EPHA6: variants seen among roughly 807,000 people sequenced by gnomAD.
EPHA6 encodes the protein EPH receptor A6, also known as ephrin type-A receptor 6.
In EPHA6, 50 loss-of-function variants were observed where a neutral mutation model predicts 112.0. That is an observed-to-expected ratio of 0.45 (90% CI 0.36 to 0.56). EPHA6 has a LOEUF of 0.56. Ranked by LOEUF, EPHA6 falls within the 20% of genes least tolerant of loss-of-function variation. The pLI, the probability that EPHA6 is intolerant of heterozygous loss-of-function variation, is 0.00. For missense variants in EPHA6, 1,280 were observed against 1,417.4 expected (o/e 0.90, Z 1.56); for synonymous variants, 529 against 490.7 (o/e 1.08, Z -1.03).
At chr3:96,983,141 C>G (rs1354486093) in intron 2 of EPHA6, among the ~76,000 whole-genome samples, 1 of 152,120 alleles carries the variant, frequency 6.6e-6, no homozygotes, top group African/African-American at 2.4e-5. Flanking sequence ...CAGTTTCTTC[C>G]TAGCCTCGAT....
intron 13 of EPHA6, among the ~76,000 whole-genome samples, chr3:97,621,449 A>G (rs113449110): frequency 3.9e-4 from 59 of 152,114 alleles, no homozygotes; most frequent in African/African-American, 1.4e-3. Flanking sequence ...TTTTTAAAAA[A>G]GGAAATGTCC....
chr3:97,438,662 T>G (rs1014189775), intron 6 of EPHA6, among the ~76,000 whole-genome samples: 1 of 152,310 alleles, frequency 6.6e-6, no homozygotes, highest in South Asian at 2.1e-4. Flanking sequence ...CAACATTTTT[T>G]AAGACTTGTC....
At chr3:96,913,289 G>A (rs1031972890) in intron 2 of EPHA6, among the ~76,000 whole-genome samples, 8 of 151,514 alleles carry the variant, frequency 5.3e-5, no homozygotes, top group Admixed American at 4.6e-4. Context: ...AGGATTGCTC[G>A]AGCTTGGAAG....
intron 3 of EPHA6, among the ~76,000 whole-genome samples, chr3:97,194,643 T>A (rs1243706320): frequency 1.3e-5 from 2 of 152,056 alleles, no homozygotes; most frequent in Non-Finnish European, 2.9e-5. Flanking sequence ...CTGGAAGATC[T>A]GTCCAATGCT....
intron 1 of EPHA6, among the ~76,000 whole-genome samples, chr3:96,862,186 CTGAT>C (rs1252361218): frequency 6.6e-6 from 1 of 151,840 alleles, no homozygotes; most frequent in African/African-American, 2.4e-5. Flanking sequence ...GAAGTATTCT[CTGAT>C]TGTATCTGGT....
chr3:97,300,834 A>T (rs574788359), intron 5 of EPHA6, among the ~76,000 whole-genome samples: 61 of 143,346 alleles, frequency 4.3e-4, no homozygotes, highest in Admixed American at 1.2e-3. Flanking sequence ...AAGGAAATTT[A>T]AAAAAAAAAA....
chr3:97,673,212 T>C (rs756501778), intron 14 of EPHA6, among the ~76,000 whole-genome samples: 1 of 152,170 alleles, frequency 6.6e-6, no homozygotes, highest in African/African-American at 2.4e-5. Context: ...CTTGCAAAAA[T>C]TCAATTCTGA....
chr3:97,575,818 G>C (rs1450647536), intron 11 of EPHA6, among the ~76,000 whole-genome samples: 1 of 152,154 alleles, frequency 6.6e-6, no homozygotes, highest in Admixed American at 6.5e-5. Context: ...TCAATAAAAA[G>C]TGATGGCAAT....
At chr3:97,405,450 G>C (rs552865680) in intron 6 of EPHA6, among the ~76,000 whole-genome samples, 176 bp downstream of exon 6, 1 of 152,062 alleles carries the variant, frequency 6.6e-6, no homozygotes, top group African/African-American at 2.4e-5. Context: ...GTAAGTTATT[G>C]ATTAATTTAT....
At chr3:97,699,094 A>C (rs995588486) in intron 14 of EPHA6, among the ~76,000 whole-genome samples, 1 of 152,184 alleles carries the variant, frequency 6.6e-6, no homozygotes, top group Admixed American at 6.5e-5. Flanking sequence ...ACTGTAAAAG[A>C]GAATATCCAG....
intron 5 of EPHA6, among the ~76,000 whole-genome samples, chr3:97,363,828 C>T (rs2084549118): frequency 6.6e-6 from 1 of 152,002 alleles, no homozygotes; most frequent in Non-Finnish European, 1.5e-5. Flanking sequence ...ATCCTTAAAA[C>T]AGAAGGAAAT....
intron 14 of EPHA6, among the ~76,000 whole-genome samples, chr3:97,638,317 G>A (rs2093968778): frequency 6.6e-6 from 1 of 151,874 alleles, no homozygotes; most frequent in Admixed American, 6.6e-5. Context: ...CATTGTCCTG[G>A]GACTTTAACA....
chr3:97,096,165 C>T (rs1423744999), intron 3 of EPHA6, among the ~76,000 whole-genome samples: 3 of 151,576 alleles, frequency 2.0e-5, no homozygotes, highest in Non-Finnish European at 2.9e-5. Flanking sequence ...CTATTTTATA[C>T]GTATCCACAT....
At chr3:97,343,353 G>A (rs1245833292) in intron 5 of EPHA6, among the ~76,000 whole-genome samples, 1 of 152,120 alleles carries the variant, frequency 6.6e-6, no homozygotes, top group Non-Finnish European at 1.5e-5. Context: ...GTTTAATTGA[G>A]GAGATATCTA....
intron 5 of EPHA6, among the ~76,000 whole-genome samples, chr3:97,259,998 A>T (rs1367223921): frequency 6.6e-6 from 1 of 152,044 alleles, no homozygotes; most frequent in Non-Finnish European, 1.5e-5. Context: ...ACAGGGTTTC[A>T]CCATATTGGT....
chr3:97,107,215 C>T (rs1464495774), intron 3 of EPHA6, among the ~76,000 whole-genome samples: 2 of 152,040 alleles, frequency 1.3e-5, no homozygotes, highest in African/African-American at 2.4e-5. Context: ...GTGATGTTTT[C>T]ATTGAGCAGT....
rs375885691 is a variant in EPHA6, at chr3:97,251,251, C to T, written c.1606+6964C>T. 1.2e-4 allele frequency among the ~76,000 whole-genome samples: 18 copies of T among 152,172 alleles called. No individual in the cohort carries two copies. In the South Asian group the frequency reaches 3.5e-3, roughly 30 times the overall value. Reference sequence around the variant, plus strand: ...TAATGTGTAAGAATAAAACAAAAGGCCGGGCGCAGTGGCTCACGCCTGTAA... The same window carrying T: ...TAATGTGTAAGAATAAAACAAAAGGTCGGGCGCAGTGGCTCACGCCTGTAA... On this transcript the variant is annotated intron_variant, in intron 5 of 17. Transcript: ENST00000389672.
At chr3:96,950,988 G>A (rs1402395319) in intron 2 of EPHA6, among the ~76,000 whole-genome samples, 1 of 151,546 alleles carries the variant, frequency 6.6e-6, no homozygotes, top group Non-Finnish European at 1.5e-5. Flanking sequence ...TATATTTAGT[G>A]TTGACTTCTT....
chr3:97,747,502 G>A lies in EPHA6; in HGVS notation c.3208G>A (p.Gly1070Arg), dbSNP rs746144793. The change falls in exon 17 of 18, where the codon GGG becomes AGG. Residue 1070 changes from glycine to arginine, a missense_variant. By Grantham distance (125) the Gly-to-Arg change is moderately radical. Coordinates refer to ENST00000389672, the MANE Select transcript of EPHA6 (RefSeq NM_001080448.3). ...VGDWLDSIKM[G>R]QYKNNFVAAG... ...TGACTGGCTAGATTCTATAAAGATG[G>A]GGCAATACAAGAATAACTTCGTGGC... 3.7e-6 allele frequency: 6 copies of A among 1,610,172 alleles called. No individual in the cohort carries two copies. Among genetic ancestry groups the A allele is most frequent in the Non-Finnish European group, 3.4e-6 (4 of 1,178,004 alleles).
Sources: allele counts gnomAD v4.1 joint callset (sites outside exome capture counted in the v4.1 genomes callset), GRCh38; gene constraint gnomAD v4.1.1; transcripts MANE v1.5; gene names NCBI Gene and HGNC (gene_info 2026-07-23, HGNC 2026-07-21).